The following RANBP2 variants were observed in gnomAD, a reference collection of about 807,000 sequenced individuals.
RANBP2 encodes RAN binding protein 2.
Under a neutral mutation model 303.6 loss-of-function variants are expected in RANBP2, and 57 were observed. That is an observed-to-expected ratio of 0.19 (90% confidence interval 0.15 to 0.23). The LOEUF (loss-of-function observed/expected upper bound fraction) is 0.23, where lower values mean the gene tolerates loss of function less well. Ranked by LOEUF, RANBP2 falls within the 10% of genes least tolerant of loss-of-function variation. RANBP2 has a pLI of 1.00. For missense variants in RANBP2, 3,138 were observed against 3,780.8 expected, an observed-to-expected ratio of 0.83 and a Z score of 4.46; for synonymous variants, 1,167 against 1,301.5, an observed-to-expected ratio of 0.90 and a Z score of 2.23.
chr2:108,775,691 G>T (rs1431679846), intron 23 of RANBP2, 41 bp from the exon 24 acceptor site: 1 of 1,593,614 alleles, frequency 6.3e-7, no homozygotes, highest in East Asian at 2.2e-5. Flanking sequence ...TTGTAAATTA[G>T]CATTTAAGTG....
chr2:109,267,843 G>T, the RANBP2 span, among the ~76,000 whole-genome samples: 3 of 152,202 alleles, frequency 2.0e-5, no homozygotes, highest in Non-Finnish European at 4.4e-5. Flanking sequence ...ATGGGGCCAG[G>T]CTCCTGCTGG....
At chr2:109,242,745 C>T in the RANBP2 span, among the ~76,000 whole-genome samples, 1 of 152,200 alleles carries the variant, frequency 6.6e-6, no homozygotes, top group East Asian at 1.9e-4. Context: ...ACAGCTGGGC[C>T]TTGATCTTCT....
chr2:109,130,564 C>T, the RANBP2 span, among the ~76,000 whole-genome samples: 1 of 152,036 alleles, frequency 6.6e-6, no homozygotes, highest in African/African-American at 2.4e-5. Flanking sequence ...CTCCTGCCTG[C>T]GGTGTGGCTA....
At chr2:109,230,928 C>T in the RANBP2 span, among the ~76,000 whole-genome samples, 1 of 152,224 alleles carries the variant, frequency 6.6e-6, no homozygotes, top group Admixed American at 6.5e-5. Context: ...ACAGCTCAAA[C>T]AGGAAGGCAG....
At chr2:109,710,381 C>CAA in the RANBP2 span, among the ~76,000 whole-genome samples, 675 of 144,524 alleles carry the variant, frequency 4.7e-3, 7 homozygotes, top group South Asian at 0.033. Flanking sequence ...GATTCTATCT[C>CAA]AAAAAAAAAA....
At chr2:109,511,233 G>C in the RANBP2 span, among the ~76,000 whole-genome samples, 3 of 152,178 alleles carry the variant, frequency 2.0e-5, no homozygotes, top group Admixed American at 1.3e-4. Context: ...ATTGACACTT[G>C]TCCCTGTCTG....
the RANBP2 span, among the ~76,000 whole-genome samples, chr2:109,117,890 T>A: frequency 6.6e-6 from 1 of 152,222 alleles, no homozygotes; most frequent in Non-Finnish European, 1.5e-5. Flanking sequence ...ATTTCTCTGA[T>A]CCTTTCTCTG....
chr2:109,579,905 G>C, the RANBP2 span, among the ~76,000 whole-genome samples: 2 of 151,732 alleles, frequency 1.3e-5, no homozygotes, highest in African/African-American at 4.8e-5. Context: ...TGGATCACCT[G>C]AGGTCAGGAG....
At chr2:108,997,527 C>T in the RANBP2 span, among the ~76,000 whole-genome samples, 1 of 150,664 alleles carries the variant, frequency 6.6e-6, no homozygotes, top group East Asian at 2.0e-4. Flanking sequence ...CTTTGGCATA[C>T]CTAACAGATA....
the RANBP2 span, among the ~76,000 whole-genome samples, chr2:109,446,100 G>C: frequency 2.0e-5 from 3 of 152,150 alleles, no homozygotes; most frequent in Non-Finnish European, 4.4e-5. Context: ...GTCCCAGCCA[G>C]CTCGGGGTTG....
the RANBP2 span, among the ~76,000 whole-genome samples, chr2:109,213,167 T>C: frequency 4.6e-5 from 7 of 152,244 alleles, no homozygotes; most frequent in East Asian, 9.7e-4. Context: ...TTAAACCACA[T>C]GGGCGCGGTT....
chr2:108,742,858 G>A (rs1696220764), intron 7 of RANBP2, among the ~76,000 whole-genome samples: 1 of 151,874 alleles, frequency 6.6e-6, no homozygotes, highest in African/African-American at 2.4e-5. Flanking sequence ...GCACGACCTC[G>A]GCTCACTGCA....
chr2:109,653,843 T>C, the RANBP2 span, among the ~76,000 whole-genome samples: 12 of 152,212 alleles, frequency 7.9e-5, no homozygotes, highest in African/African-American at 2.9e-4. Flanking sequence ...GGGCCTTTTC[T>C]AGCTCTTCAG....
the RANBP2 span, among the ~76,000 whole-genome samples, chr2:108,807,864 C>G: frequency 2.0e-5 from 3 of 152,218 alleles, no homozygotes; most frequent in Non-Finnish European, 4.4e-5. Context: ...CTGCCTCGGC[C>G]TCCCGAAGTG....
At chr2:108,984,465 C>A in the RANBP2 span, among the ~76,000 whole-genome samples, 1 of 152,122 alleles carries the variant, frequency 6.6e-6, no homozygotes, top group African/African-American at 2.4e-5. Context: ...TGGTTCTCCT[C>A]TCCTCTCCTT....
the RANBP2 span, chr2:108,930,835 C>A: frequency 9.6e-7 from 1 of 1,045,832 alleles, no homozygotes; most frequent in Non-Finnish European, 1.5e-6. Flanking sequence ...TTTCATTTCA[C>A]CCTCAGAAGA....
At chr2:109,683,106 A>C in the RANBP2 span, among the ~76,000 whole-genome samples, 1 of 152,112 alleles carries the variant, frequency 6.6e-6, no homozygotes, top group African/African-American at 2.4e-5. Context: ...CCTGAGTTCA[A>C]GAAATTCTCC....
chr2:109,358,642 G>C, the RANBP2 span, among the ~76,000 whole-genome samples: 1 of 152,260 alleles, frequency 6.6e-6, no homozygotes, highest in Non-Finnish European at 1.5e-5. Context: ...CTGTTTTCTT[G>C]TTGTTGAGTT....
At chr2:108,979,051 T>C in the RANBP2 span, among the ~76,000 whole-genome samples, 2 of 152,054 alleles carry the variant, frequency 1.3e-5, no homozygotes, top group Admixed American at 1.3e-4. Flanking sequence ...AGCAGAGAGG[T>C]GCCAGCTTCA....
Sources: allele counts gnomAD v4.1 joint callset (sites outside exome capture counted in the v4.1 genomes callset), GRCh38; gene constraint gnomAD v4.1.1; transcripts MANE v1.5; gene names NCBI Gene and HGNC (gene_info 2026-07-23, HGNC 2026-07-21).